The following WDR70 variants were observed in gnomAD, a reference collection of about 807,000 sequenced individuals.
WDR70 encodes the protein WD repeat domain 70, also known as WD repeat-containing protein 70.
A neutral mutation model predicts 88.6 loss-of-function variants in WDR70; 53 were observed. The ratio of observed to expected loss-of-function variants is 0.60; its 90% confidence interval spans 0.48 to 0.75. The LOEUF (loss-of-function observed/expected upper bound fraction) is 0.75. WDR70 is among the 30% of genes least tolerant of loss of function. WDR70 has a pLI of 0.00. For missense variants in WDR70, 610 were observed against 823.2 expected (o/e 0.74, Z 3.17); for synonymous variants, 280 against 270.0 (o/e 1.04, Z -0.36).
chr5:37,669,718 C>A (rs534978613), intron 10 of WDR70, among the ~76,000 whole-genome samples: 1 of 151,924 alleles, frequency 6.6e-6, no homozygotes, highest in African/African-American at 2.4e-5. Context: ...GAGAGTCAGA[C>A]CATGATGTAG....
chr5:37,380,247 G>T (rs6862934), intron 2 of WDR70, among the ~76,000 whole-genome samples: 1 of 151,998 alleles, frequency 6.6e-6, no homozygotes, highest in Non-Finnish European at 1.5e-5. Flanking sequence ...TTTGACCAGC[G>T]TGTATTAATT....
chr5:37,473,065 T>G (rs1049489523), intron 7 of WDR70, among the ~76,000 whole-genome samples: 1 of 151,984 alleles, frequency 6.6e-6, no homozygotes, highest in African/African-American at 2.4e-5. Context: ...TATCTTTGAT[T>G]TAACCATTTT....
chr5:37,524,646 G>A (rs1404023103), intron 9 of WDR70, among the ~76,000 whole-genome samples: 1 of 152,038 alleles, frequency 6.6e-6, no homozygotes, highest in Non-Finnish European at 1.5e-5. Flanking sequence ...AACCTTAAAT[G>A]TAAATGGGCT....
intron 3 of WDR70, among the ~76,000 whole-genome samples, chr5:37,387,628 T>C (rs7733418): frequency 0.13 from 19,364 of 146,690 alleles, 4,062 homozygotes; most frequent in African/African-American, 0.44. Flanking sequence ...TTCATCATTA[T>C]ATGGGAAGTT....
In WDR70 at chr5:37,470,778, A is replaced by G. The variant is rs145836280; in HGVS notation, c.687-9056A>G. Among the ~76,000 whole-genome samples, 1,204 of 152,262 alleles carry G rather than the reference A, an allele frequency of 7.9e-3. 15 individuals are homozygous for G. Among genetic ancestry groups the G allele is most frequent in the African/African-American group, 0.028 (1,143 of 41,542 alleles). On this transcript the variant is annotated intron_variant, in intron 7 of 17. Coordinates refer to ENST00000265107, the MANE Select transcript of WDR70 (RefSeq NM_018034.4). ...GCTATTATGAGTAGTTTTTCTGTGAACATTCTTGTAGATGTCATTTGGAAC... is the reference window on the plus strand; with the variant it reads ...GCTATTATGAGTAGTTTTTCTGTGAGCATTCTTGTAGATGTCATTTGGAAC...
chr5:37,633,709 T>G (rs563943383), intron 10 of WDR70, among the ~76,000 whole-genome samples: 1 of 152,194 alleles, frequency 6.6e-6, no homozygotes. Flanking sequence ...TGAATCGTAG[T>G]TTGAAGTTAA....
Position 37,650,946 on chromosome 5 carries a change from A to G in WDR70, c.1092+45708A>G, listed in dbSNP as rs548030175. Among the ~76,000 whole-genome samples the G allele has an allele frequency of 8.7e-5, 13 of 149,188 alleles. 1 individual carries two copies. The South Asian group carries it at 2.6e-3, about 29-fold the overall frequency. ...AACAAAACTTCCTTTCAGAACTTCA[A>G]TCTACAGAATGGGCTTCATTTTTTT... On this transcript the variant is annotated intron_variant, in intron 10 of 17. Transcript: ENST00000265107.
intron 4 of WDR70, among the ~76,000 whole-genome samples, chr5:37,394,565 A>C (rs191559111): frequency 3.9e-5 from 6 of 152,294 alleles, no homozygotes; most frequent in Admixed American, 3.9e-4. Flanking sequence ...AAATAAAATA[A>C]CTTAGCAGGC....
chr5:37,552,149 G>A (rs772437989), intron 9 of WDR70, among the ~76,000 whole-genome samples: 2 of 152,084 alleles, frequency 1.3e-5, no homozygotes, highest in African/African-American at 4.8e-5. Context: ...TTTGTTGCAA[G>A]CTTTAAATGT....
At chr5:37,580,612 C>T (rs185755976) in intron 9 of WDR70, among the ~76,000 whole-genome samples, 4 of 152,312 alleles carry the variant, frequency 2.6e-5, no homozygotes, top group Admixed American at 6.5e-5. Flanking sequence ...GTTAAGTTCT[C>T]ATGATCATAC....
At chr5:37,579,582 C>CAAAAAAAAAAAAAAAAA (rs201135421) in intron 9 of WDR70, among the ~76,000 whole-genome samples, 1 of 82,730 alleles carries the variant, frequency 1.2e-5, no homozygotes, top group Non-Finnish European at 2.4e-5. Flanking sequence ...GACTCTGTCT[C>CAAAAAAAAAAAAAAAAA]AAAAAAAAAA....
chr5:37,446,108 A>C (rs1738468755), intron 7 of WDR70, among the ~76,000 whole-genome samples: 1 of 152,364 alleles, frequency 6.6e-6, no homozygotes, highest in African/African-American at 2.4e-5. Flanking sequence ...ATACAAAATC[A>C]ATGTGCAAAA....
chr5:37,685,928 T>C (rs1746578512), intron 10 of WDR70, among the ~76,000 whole-genome samples: 1 of 152,204 alleles, frequency 6.6e-6, no homozygotes, highest in South Asian at 2.1e-4. Flanking sequence ...CCAGCTTCTG[T>C]GTCTTCTGTC....
intron 17 of WDR70, among the ~76,000 whole-genome samples, chr5:37,739,478 A>G (rs1748402896): frequency 6.6e-6 from 1 of 152,216 alleles, no homozygotes; most frequent in Non-Finnish European, 1.5e-5. Context: ...AAGAATTGTT[A>G]GCTAGAAGAC....
intron 10 of WDR70, among the ~76,000 whole-genome samples, chr5:37,693,885 A>G (rs2112643768): frequency 6.6e-6 from 1 of 152,386 alleles, no homozygotes; most frequent in South Asian, 2.1e-4. Context: ...GCTTCTGCAC[A>G]GCAAAAGAAA....
At chr5:37,708,305 C>T (rs1456002312) in intron 13 of WDR70, among the ~76,000 whole-genome samples, 1 of 151,366 alleles carries the variant, frequency 6.6e-6, no homozygotes, top group Non-Finnish European at 1.5e-5. Flanking sequence ...TCATTGTTTT[C>T]AAGAGGCTAA....
intron 9 of WDR70, among the ~76,000 whole-genome samples, chr5:37,537,703 T>A (rs1247852902): frequency 2.0e-5 from 3 of 152,152 alleles, no homozygotes; most frequent in Non-Finnish European, 4.4e-5. Flanking sequence ...CAAAGTAAAA[T>A]TGCTAATACT....
intron 17 of WDR70, among the ~76,000 whole-genome samples, chr5:37,734,522 A>G (rs970750246): frequency 6.6e-6 from 1 of 152,166 alleles, no homozygotes; most frequent in Non-Finnish European, 1.5e-5. Flanking sequence ...AAATAAATAT[A>G]TAAATATTAA....
At chr5:37,585,931 A>G (rs975353474) in intron 9 of WDR70, among the ~76,000 whole-genome samples, 6 of 152,148 alleles carry the variant, frequency 3.9e-5, no homozygotes, top group Non-Finnish European at 8.8e-5. Context: ...ATCTCCAGAT[A>G]TGTGTGCACC....
Sources: allele counts gnomAD v4.1 joint callset (sites outside exome capture counted in the v4.1 genomes callset), GRCh38; gene constraint gnomAD v4.1.1; transcripts MANE v1.5; gene names NCBI Gene and HGNC (gene_info 2026-07-23, HGNC 2026-07-21).